Variants in RUFY4 observed in about 807,000 individuals in gnomAD.
RUFY4 encodes RUN and FYVE domain-containing protein 4.
Under a neutral mutation model 69.0 loss-of-function variants are expected in RUFY4, and 73 were observed. The ratio of observed to expected loss-of-function variants is 1.06; its 90% CI spans 0.88 to 1.29. The LOEUF (loss-of-function observed/expected upper bound fraction) is 1.29. Ranked by LOEUF, RUFY4 falls within the 50% of genes most tolerant of loss-of-function variation. RUFY4 has a pLI of 0.00. For missense variants in RUFY4, 770 were observed against 705.6 expected, an observed-to-expected ratio of 1.09 and a Z score of -1.03; for synonymous variants, 287 against 271.8, an observed-to-expected ratio of 1.06 and a Z score of -0.55.
intron 5 of RUFY4, 24 bp from the exon 8 acceptor site, chr2:218,073,792 T>A (rs1190057929): frequency 1.2e-6 from 2 of 1,612,750 alleles, no homozygotes; most frequent in South Asian, 2.2e-5. Context: ...AGGCCCAGGG[T>A]CCCCCTGCCT....
chr2:218,060,261 G>A (rs1383831207), intron 3 of RUFY4: 8 of 1,328,930 alleles, frequency 6.0e-6, no homozygotes, highest in Non-Finnish European at 8.2e-6. Flanking sequence ...ACCAAGAAGA[G>A]CTAGTGGACA....
chr2:218,049,124 T>C (rs183828820), intron 2 of RUFY4, among the ~76,000 whole-genome samples: 3 of 152,322 alleles, frequency 2.0e-5, no homozygotes, highest in Admixed American at 6.5e-5. Flanking sequence ...CACAGCATTT[T>C]TTGTTGTTGC....
At chr2:218,076,726 C>T (rs1689641558) in intron 8 of RUFY4, among the ~76,000 whole-genome samples, 193 bp downstream of exon 10, 1 of 152,184 alleles carries the variant, frequency 6.6e-6, no homozygotes, top group Non-Finnish European at 1.5e-5. Flanking sequence ...CTCTGTGCAT[C>T]CCTTTCTCGT....
chr2:218,071,438 C>T (rs1227324001), intron 2 of RUFY4, among the ~76,000 whole-genome samples: 1 of 152,108 alleles, frequency 6.6e-6, no homozygotes, highest in Non-Finnish European at 1.5e-5. Flanking sequence ...CTCGGGCTCT[C>T]CCCTCTACTT....
At chr2:218,076,456 G>A (rs1450960117) in exon 8 of RUFY4, 7 of 1,550,022 alleles carry the variant, frequency 4.5e-6, no homozygotes, top group Non-Finnish European at 6.1e-6. Flanking sequence ...GGAAGGCTGA[G>A]GAGCAGGCCC....
chr2:218,047,987 G>C (rs1256129480), intron 2 of RUFY4, among the ~76,000 whole-genome samples: 1 of 152,128 alleles, frequency 6.6e-6, no homozygotes, highest in Non-Finnish European at 1.5e-5. Flanking sequence ...TTTTTCTATA[G>C]TATGAGCATT....
intron 3 of RUFY4, chr2:218,060,567 G>C: frequency 3.1e-6 from 4 of 1,309,276 alleles, no homozygotes; most frequent in Non-Finnish European, 4.4e-6. Flanking sequence ...GGCGCTCACA[G>C]GTCTCATTGG....
upstream of RUFY4, among the ~76,000 whole-genome samples, chr2:218,067,297 T>A (rs114145098): frequency 6.8e-3 from 1,038 of 151,976 alleles, 10 homozygotes; most frequent in African/African-American, 0.024. Flanking sequence ...ACAGCACACA[T>A]GGGAGGGCTC....
chr2:218,056,401 C>A (rs984561204), intron 2 of RUFY4, among the ~76,000 whole-genome samples: 2 of 152,106 alleles, frequency 1.3e-5, no homozygotes, highest in Admixed American at 1.3e-4. Context: ...GGCAACTCTG[C>A]CCTGAGAGAG....
At chr2:218,088,723 T>C (rs1220779557) in intron 9 of RUFY4, among the ~76,000 whole-genome samples, 1 of 152,164 alleles carries the variant, frequency 6.6e-6, no homozygotes, top group African/African-American at 2.4e-5. Flanking sequence ...TTCTGATCTC[T>C]TGCATGTGTC....
At chr2:218,089,979 T>C in exon 11 of RUFY4, 1 of 1,567,466 alleles carries the variant, frequency 6.4e-7, no homozygotes, top group Non-Finnish European at 8.6e-7. Flanking sequence ...TCTGCCATGC[T>C]TGCTCCATGG....
chr2:218,089,447 G>A (rs1276249350), intron 10 of RUFY4, 85 bp downstream of exon 12: 3 of 1,162,514 alleles, frequency 2.6e-6, no homozygotes, highest in African/African-American at 1.5e-5. Flanking sequence ...GGGAAGGGAG[G>A]GACACAGGAA....
At chr2:218,050,417 A>T (rs964639460) in intron 2 of RUFY4, among the ~76,000 whole-genome samples, 1 of 152,128 alleles carries the variant, frequency 6.6e-6, no homozygotes, top group African/African-American at 2.4e-5. Flanking sequence ...AAAGAGCTGT[A>T]ACCCTCCCTT....
rs532257517 is a variant in RUFY4 at position 218,060,578 on chromosome 2, T to A, written c.-1071+1897T>A. On this transcript the variant is annotated intron_variant and NMD_transcript_variant, in intron 3 of 13. Coordinates refer to the RUFY4 transcript ENST00000457754. ...TTGCGGCGCTCACAGGTCTCATTGG[T>A]CATCTGGGTTCCCATGAGGGTGTCT... 2.2e-5 allele frequency: 29 copies of A among 1,325,534 alleles called. No individual in the cohort carries two copies. The East Asian group carries it at 6.0e-4, about 27-fold the overall frequency. The allele number at this position is 1,325,534 out of a possible 1,614,324, so 82.1% of individuals were successfully genotyped here.
intron 9 of RUFY4, among the ~76,000 whole-genome samples, chr2:218,088,390 A>G (rs1341220282): frequency 6.6e-6 from 1 of 151,904 alleles, no homozygotes; most frequent in Non-Finnish European, 1.5e-5. Flanking sequence ...CCCAGGAAGT[A>G]AAGGCTGCAG....
At position 218,077,834 on chromosome 2, in the gene RUFY4, G is replaced by A. The variant is rs1056777643; in HGVS notation, c.1355+1301G>A. Among the ~76,000 whole-genome samples the A allele has an allele frequency of 7.2e-5, 11 of 152,334 alleles. No homozygotes were observed. The South Asian group carries it at 8.3e-4, about 11-fold the overall frequency. On this transcript the variant is annotated intron_variant, in intron 8 of 10. Transcript: ENST00000344321. The stretch of plus-strand genomic sequence containing the variant: ...ACTCAGCTGAGCACACAGTGTGGTC[G>A]CAAAGGTTTCCACGATTCAGGGCAA...
intron 1 of RUFY4, 45 bp from the exon 4 acceptor site, chr2:218,070,708 G>A (rs995127590): frequency 6.5e-7 from 1 of 1,534,788 alleles, no homozygotes; most frequent in Non-Finnish European, 8.7e-7. Flanking sequence ...TCAGGGTCTG[G>A]GAGCCCCTCC....
intron 2 of RUFY4, among the ~76,000 whole-genome samples, chr2:218,048,839 A>G (rs1272220696): frequency 6.6e-6 from 1 of 152,222 alleles, no homozygotes; most frequent in African/African-American, 2.4e-5. Flanking sequence ...CATTCTTAAT[A>G]TAAAACGCCT....
intron 2 of RUFY4, among the ~76,000 whole-genome samples, chr2:218,052,745 T>TTA (rs1553631723): frequency 3.5e-5 from 5 of 144,740 alleles, no homozygotes; most frequent in African/African-American, 1.0e-4. Context: ...TTTTTTTTTT[T>TTA]AAAAAAAAAA....
Sources: allele counts gnomAD v4.1 joint callset (sites outside exome capture counted in the v4.1 genomes callset), GRCh38; gene constraint gnomAD v4.1.1; transcripts MANE v1.5; gene names NCBI Gene and HGNC (gene_info 2026-07-23, HGNC 2026-07-21).